Variants in SEM1 observed in about 807,000 individuals in gnomAD.
The protein encoded by SEM1 is 26S proteasome complex subunit SEM1.
Under a neutral mutation model 12.7 loss-of-function variants are expected in SEM1, and 3 were observed. The observed-to-expected ratio is 0.24, with a 90% CI of 0.11 to 0.61. The LOEUF (loss-of-function observed/expected upper bound fraction) is 0.61, where lower values mean the gene tolerates loss of function less well. Among genes scored for constraint, SEM1 ranks in the 20% least tolerant of loss-of-function variants. SEM1 has a pLI of 0.88. For synonymous variants in SEM1, 30 were observed against 27.8 expected, an observed-to-expected ratio of 1.08 and a Z score of -0.25; for missense variants, 59 against 81.3, an observed-to-expected ratio of 0.73 and a Z score of 1.06.
rs1177976356 is a variant in SEM1, at chr7:96,688,860, G to T, written c.*64C>A. 4 of 960,022 alleles carry T rather than the reference G, an allele frequency of 4.2e-6. No homozygotes were observed. The highest frequency in any genetic ancestry group is 6.6e-6 in the Non-Finnish European group (4 of 605,000). 59.5% of individuals were successfully genotyped at this position (960,022 alleles called of 1,614,324 possible). On this transcript the variant is annotated 3_prime_UTR_variant, in exon 3 of 3. Coordinates refer to ENST00000248566, the MANE Select transcript of SEM1 (RefSeq NM_006304.2). Reference sequence around the variant, plus strand: ...ACATTTTTTTAGTGTCCCATCCTGGGTTCTCTGCCCTAGAATGTATTAAGC... The same window carrying T: ...ACATTTTTTTAGTGTCCCATCCTGGTTTCTCTGCCCTAGAATGTATTAAGC...
rs184853809 is a variant in SEM1, at chr7:96,703,084, G to T, written c.76+6604C>A. On this transcript the variant is annotated intron_variant, in intron 1 of 2. Coordinates refer to ENST00000248566, the MANE Select transcript of SEM1 (RefSeq NM_006304.2). Reference sequence around the variant, plus strand: ...AGTGATCTGTGGGTTAGATCATACAGGTTGAGTATCCCTTATTCAAAATGC... The same window carrying T: ...AGTGATCTGTGGGTTAGATCATACATGTTGAGTATCCCTTATTCAAAATGC... Among the ~76,000 whole-genome samples the T allele has an allele frequency of 2.5e-3, 377 of 152,286 alleles. 3 individuals carry two copies. Among genetic ancestry groups the T allele is most frequent in the African/African-American group, 8.8e-3 (365 of 41,568 alleles).
chr7:96,504,459 G>C (rs1478284715), intron 3 of SEM1, among the ~76,000 whole-genome samples: 1 of 152,040 alleles, frequency 6.6e-6, no homozygotes, highest in Non-Finnish European at 1.5e-5. Flanking sequence ...CTCATGAACT[G>C]ATTCAACAAT....
chr7:96,705,054 T>G (rs1267733442), intron 1 of SEM1, among the ~76,000 whole-genome samples: 1 of 152,186 alleles, frequency 6.6e-6, no homozygotes, highest in African/African-American at 2.4e-5. Flanking sequence ...TGTCATACTT[T>G]TTAAGGCACA....
chr7:96,489,305 G>C (rs1802904787), intron 1 of SEM1, among the ~76,000 whole-genome samples: 1 of 152,122 alleles, frequency 6.6e-6, no homozygotes, highest in Admixed American at 6.5e-5. Flanking sequence ...AACATTAGTG[G>C]CATCAGAATG....
intron 2 of SEM1, among the ~76,000 whole-genome samples, chr7:96,553,985 G>A (rs1380830513): frequency 2.0e-5 from 3 of 151,530 alleles, no homozygotes; most frequent in African/African-American, 4.9e-5. Context: ...CTCATGATTT[G>A]GTTCTCTGTT....
At chr7:96,650,426 C>G in intron 2 of SEM1, 2 of 710,572 alleles carry the variant, frequency 2.8e-6, no homozygotes, top group East Asian at 5.2e-5. Flanking sequence ...AGATGGGCAC[C>G]TCGCCCAATG....
chr7:96,631,557 T>C (rs1397610876), intron 2 of SEM1, among the ~76,000 whole-genome samples: 1 of 152,028 alleles, frequency 6.6e-6, no homozygotes, highest in African/African-American at 2.4e-5. Context: ...CTTTCAGTGA[T>C]ATAAAGTTAA....
chr7:96,628,923 G>T (rs1469322907), intron 2 of SEM1, among the ~76,000 whole-genome samples: 2 of 152,132 alleles, frequency 1.3e-5, no homozygotes, highest in Non-Finnish European at 2.9e-5. Context: ...CACTAATCTA[G>T]GTTAGTTTTC....
intron 2 of SEM1, among the ~76,000 whole-genome samples, chr7:96,516,103 G>T (rs1173074001): frequency 2.0e-5 from 3 of 151,732 alleles, no homozygotes; most frequent in Non-Finnish European, 4.4e-5. Context: ...TACTCAAAAT[G>T]GATTTACAGA....
intron 2 of SEM1, among the ~76,000 whole-genome samples, chr7:96,589,579 T>C (rs1184730384): frequency 6.6e-6 from 1 of 152,122 alleles, no homozygotes; most frequent in Non-Finnish European, 1.5e-5. Context: ...CCCTCTCCCA[T>C]CTCCAGTGAC....
chr7:96,544,215 T>C (rs1383703440), intron 2 of SEM1, among the ~76,000 whole-genome samples: 1 of 152,068 alleles, frequency 6.6e-6, no homozygotes. Context: ...GTATTATAAA[T>C]TTTGCATATG....
chr7:96,608,828 G>A (rs577789558), intron 2 of SEM1, among the ~76,000 whole-genome samples: 1 of 152,238 alleles, frequency 6.6e-6, no homozygotes, highest in East Asian at 1.9e-4. Flanking sequence ...ATCAATTCAT[G>A]GACATTTAGT....
upstream of SEM1, among the ~76,000 whole-genome samples, chr7:96,499,516 C>T (rs892547704): frequency 6.6e-6 from 1 of 152,190 alleles, no homozygotes; most frequent in South Asian, 2.1e-4. Context: ...CCTTATGTGT[C>T]TTGAACAAAG....
chr7:96,671,533 T>G (rs954329761), downstream of SEM1, among the ~76,000 whole-genome samples: 1 of 152,104 alleles, frequency 6.6e-6, no homozygotes, highest in Non-Finnish European at 1.5e-5. Flanking sequence ...TTTACTTGAA[T>G]GAGCCTAAAG....
chr7:96,485,230 C>T (rs1436815575), intron 2 of SEM1, among the ~76,000 whole-genome samples: 2 of 152,164 alleles, frequency 1.3e-5, no homozygotes, highest in Non-Finnish European at 1.5e-5. Context: ...ATATTGGTTT[C>T]CTATTGCTAC....
chr7:96,590,487 T>C (rs183596737), intron 2 of SEM1, among the ~76,000 whole-genome samples: 6 of 152,334 alleles, frequency 3.9e-5, no homozygotes, highest in Non-Finnish European at 7.4e-5. Flanking sequence ...CAGTTATATA[T>C]ACAGACTATG....
intron 2 of SEM1, among the ~76,000 whole-genome samples, chr7:96,534,340 G>A (rs1804725944): frequency 6.6e-6 from 1 of 152,188 alleles, no homozygotes; most frequent in South Asian, 2.1e-4. Flanking sequence ...TAAGACTGGT[G>A]TGATAGTAAT....
intron 3 of SEM1, among the ~76,000 whole-genome samples, chr7:96,484,375 C>T (rs919679572): frequency 6.6e-6 from 1 of 152,138 alleles, no homozygotes; most frequent in African/African-American, 2.4e-5. Context: ...AAAGGCACAT[C>T]AAACTATGGC....
Position 96,638,908 on chromosome 7 carries a change from T to C in SEM1, c.171-16265A>G, listed in dbSNP as rs377297453. ...AGCCTGCCTCTGCCCTTACCAATTG[T>C]GTGACTTTGAACAACTTACTCAATA... On this transcript the variant is annotated intron_variant, in intron 2 of 2. Transcript: ENST00000417009. 4.4e-4 allele frequency among the ~76,000 whole-genome samples: 67 copies of C among 152,064 alleles called. 1 individual carries two copies. The highest frequency in any genetic ancestry group is 1.5e-3 in the African/African-American group (63 of 41,558).
Sources: allele counts gnomAD v4.1 joint callset (sites outside exome capture counted in the v4.1 genomes callset), GRCh38; gene constraint gnomAD v4.1.1; transcripts MANE v1.5; gene names NCBI Gene and HGNC (gene_info 2026-07-23, HGNC 2026-07-21).